PRKAG2: variants seen among roughly 807,000 people sequenced by gnomAD.
PRKAG2 encodes protein kinase AMP-activated non-catalytic subunit gamma 2, also known as 5'-AMP-activated protein kinase subunit gamma-2.
PRKAG2 carries 26 observed loss-of-function variants against 69.6 expected under a neutral mutation model. That is an observed-to-expected ratio of 0.37 (90% CI 0.27 to 0.52). PRKAG2 has a LOEUF of 0.52. PRKAG2 is among the 20% of genes least tolerant of loss of function. The pLI is 0.90. For synonymous variants in PRKAG2, 293 were observed against 285.0 expected (o/e 1.03, Z -0.28); for missense variants, 557 against 740.0 (o/e 0.75, Z 2.87).
chr7:151,609,146 T>C (rs1818192241), intron 5 of PRKAG2, among the ~76,000 whole-genome samples: 1 of 152,216 alleles, frequency 6.6e-6, no homozygotes, highest in South Asian at 2.1e-4. Flanking sequence ...TTGAATAAGA[T>C]TGCAGAAGAC....
chr7:151,647,125 C>T (rs1827701910), intron 4 of PRKAG2, among the ~76,000 whole-genome samples: 1 of 152,226 alleles, frequency 6.6e-6, no homozygotes, highest in African/African-American at 2.4e-5. Context: ...AGCATGCAGC[C>T]CTGACTGCTA....
intron 3 of PRKAG2, among the ~76,000 whole-genome samples, chr7:151,750,748 G>C (rs2074613065): frequency 6.6e-6 from 1 of 152,062 alleles, no homozygotes; most frequent in Non-Finnish European, 1.5e-5. Context: ...AGGCACAGTG[G>C]TATGTTCCTG....
At chr7:151,680,335 T>C (rs934400685) in intron 3 of PRKAG2, among the ~76,000 whole-genome samples, 1 of 152,194 alleles carries the variant, frequency 6.6e-6, no homozygotes, top group Non-Finnish European at 1.5e-5. Context: ...AGATAAATCA[T>C]GGCCCATCTG....
At chr7:151,668,366 A>G (rs1039140257) in intron 4 of PRKAG2, among the ~76,000 whole-genome samples, 2 of 152,232 alleles carry the variant, frequency 1.3e-5, no homozygotes, top group African/African-American at 4.8e-5. Flanking sequence ...ACCCAGCCTC[A>G]GGTATATTGT....
At chr7:151,708,694 A>T (rs1366458893) in intron 3 of PRKAG2, among the ~76,000 whole-genome samples, 1 of 152,210 alleles carries the variant, frequency 6.6e-6, no homozygotes, top group African/African-American at 2.4e-5. Flanking sequence ...ACCAGAGGGG[A>T]TGACAAAGGT....
rs1363292487 is a variant in PRKAG2, at chr7:151,694,417, A to G, written c.467-18780T>C. On this transcript the variant is annotated intron_variant, in intron 3 of 15. Transcript: ENST00000287878. ...CATCTCCAGAACCATTTCATAGTAC[A>G]ACACTGAAACTCTGTCCTCATAAAA... Among the ~76,000 whole-genome samples, 18 of 152,174 alleles carry G rather than the reference A, an allele frequency of 1.2e-4. 1 individual carries two copies. Among genetic ancestry groups the G allele is most frequent in the Admixed American group, 1.2e-3 (18 of 15,282 alleles).
intron 5 of PRKAG2, among the ~76,000 whole-genome samples, chr7:151,630,231 G>GA (rs199672944): frequency 1.3e-5 from 2 of 150,970 alleles, no homozygotes; most frequent in African/African-American, 4.9e-5. Flanking sequence ...ACAATGAAAA[G>GA]AAAAAAAAGA....
chr7:151,820,485 G>A (rs1303766889), intron 1 of PRKAG2, among the ~76,000 whole-genome samples: 2 of 111,446 alleles, frequency 1.8e-5, no homozygotes, highest in African/African-American at 7.0e-5. Flanking sequence ...CACTCTACTC[G>A]GAACACCGCT....
chr7:151,708,990 G>A (rs561431914), intron 3 of PRKAG2, among the ~76,000 whole-genome samples: 9 of 152,294 alleles, frequency 5.9e-5, no homozygotes, highest in Admixed American at 4.6e-4. Flanking sequence ...CAGAGGGGCC[G>A]GAAACCATGA....
intron 1 of PRKAG2, among the ~76,000 whole-genome samples, chr7:151,795,931 TAG>T (rs889140773): frequency 1.4e-5 from 2 of 144,784 alleles, no homozygotes; most frequent in South Asian, 2.2e-4. Flanking sequence ...ATACATTATA[TAG>T]AGTTAATATA....
intron 4 of PRKAG2, among the ~76,000 whole-genome samples, chr7:151,640,662 G>A (rs1356271019): frequency 6.6e-6 from 1 of 151,024 alleles, no homozygotes. Context: ...TTCCCCCACC[G>A]CCTTCCTTCC....
At chr7:151,779,583 C>T (rs1190115155) in intron 3 of PRKAG2, among the ~76,000 whole-genome samples, 1 of 152,242 alleles carries the variant, frequency 6.6e-6, no homozygotes, top group Non-Finnish European at 1.5e-5. Context: ...CTGCTCTCCG[C>T]CCCGCTCAGA....
intron 3 of PRKAG2, among the ~76,000 whole-genome samples, chr7:151,724,100 CT>C (rs768623868): frequency 9.9e-5 from 15 of 152,150 alleles, no homozygotes; most frequent in Non-Finnish European, 1.8e-4. Context: ...AGCACCATAC[CT>C]TTGCCCTATG....
At chr7:151,706,696 C>T (rs746263019) in intron 3 of PRKAG2, among the ~76,000 whole-genome samples, 1 of 152,268 alleles carries the variant, frequency 6.6e-6, no homozygotes, top group Non-Finnish European at 1.5e-5. Flanking sequence ...AAGATGCAAA[C>T]CCATTTTGGC....
At chr7:151,732,714 C>T (rs569925950) in intron 3 of PRKAG2, among the ~76,000 whole-genome samples, 11 of 151,938 alleles carry the variant, frequency 7.2e-5, no homozygotes, top group Non-Finnish European at 1.5e-4. Flanking sequence ...TTCTTTGAGA[C>T]GGAGTCTCAC....
intron 5 of PRKAG2, among the ~76,000 whole-genome samples, chr7:151,597,841 T>C (rs1357223957): frequency 1.5e-5 from 2 of 137,032 alleles, no homozygotes; most frequent in Non-Finnish European, 3.1e-5. Context: ...CGCTCTTTTA[T>C]TGAACTATTG....
rs756737402 is a variant in PRKAG2 at position 151,632,188 on chromosome 7, C to T, written c.685-50G>A. ...ATCAGCATGAGCTGCGACGCTCGTC[C>T]CCGGCCGGCGGGCTCGCGGCCGGCC... On this transcript the variant is annotated intron_variant, in intron 4 of 15. Coordinates refer to ENST00000287878, the MANE Select transcript of PRKAG2 (RefSeq NM_016203.4). This position sits in a 1 kb window ranked among gnomAD's most constrained non-coding sequence, Gnocchi z 4.2. The T allele has an allele frequency of 1.8e-5, 22 of 1,221,760 alleles. No individual in the cohort carries two copies. Among genetic ancestry groups the T allele is most frequent in the Non-Finnish European group, 2.2e-5 (21 of 973,828 alleles). The allele number at this position is 1,221,760 out of a possible 1,614,324, so 75.7% of individuals were successfully genotyped here. A position where few individuals can be genotyped will look rare whatever the true frequency, so the allele number is the denominator to read the frequency against.
At chr7:151,729,501 A>C (rs1798576756) in intron 3 of PRKAG2, among the ~76,000 whole-genome samples, 1 of 152,006 alleles carries the variant, frequency 6.6e-6, no homozygotes, top group Non-Finnish European at 1.5e-5. Context: ...GGCTCTTAAT[A>C]GTGGGCTCAG....
At chr7:151,752,240 C>T (rs1348172592) in intron 3 of PRKAG2, among the ~76,000 whole-genome samples, 3 of 152,160 alleles carry the variant, frequency 2.0e-5, no homozygotes, top group Non-Finnish European at 1.5e-5. Context: ...AAAGAGATCA[C>T]GTCTTTTGAG....
Sources: gnomAD v4.1 joint callset for allele counts (sites outside exome capture counted in the v4.1 genomes callset) on GRCh38, gnomAD v4.1.1 for gene constraint, Gnocchi (gnomAD v3.1) non-coding constraint, MANE v1.5 for transcripts, NCBI Gene and HGNC (gene_info 2026-07-23, HGNC 2026-07-21) for gene names.